The following SAMD12 variants were observed in gnomAD, a reference collection of about 807,000 sequenced individuals.
The protein encoded by SAMD12 is sterile alpha motif domain-containing protein 12.
A neutral mutation model predicts 15.0 loss-of-function variants in SAMD12; 9 were observed. That is an observed-to-expected ratio of 0.60 (90% CI 0.36 to 1.05). The LOEUF (loss-of-function observed/expected upper bound fraction) is 1.05. SAMD12 is among the 50% of genes least tolerant of loss of function. SAMD12 has a pLI of 0.01. For missense variants in SAMD12, 230 were observed against 234.2 expected, an observed-to-expected ratio of 0.98 and a Z score of 0.12; for synonymous variants, 86 against 90.1, an observed-to-expected ratio of 0.96 and a Z score of 0.25.
At chr8:118,541,002 A>C (rs1825970806) in intron 2 of SAMD12, among the ~76,000 whole-genome samples, 1 of 152,154 alleles carries the variant, frequency 6.6e-6, no homozygotes, top group African/African-American at 2.4e-5. Context: ...GAGTTTCTTA[A>C]ATCTCAACTG....
intron 2 of SAMD12, among the ~76,000 whole-genome samples, chr8:118,564,792 C>A (rs558928237): frequency 6.6e-6 from 1 of 152,210 alleles, no homozygotes; most frequent in Non-Finnish European, 1.5e-5. Flanking sequence ...AAGTTTATTT[C>A]TTGCTTAAAC....
exon 5 of SAMD12, chr8:118,194,836 G>A (rs1001285242): frequency 1.3e-5 from 2 of 152,184 alleles, no homozygotes; most frequent in African/African-American, 4.8e-5. Context: ...GCCAAAGCCT[G>A]TGAATGAAGT....
At chr8:118,356,936 C>A (rs1818256537) in intron 4 of SAMD12, among the ~76,000 whole-genome samples, 1 of 152,200 alleles carries the variant, frequency 6.6e-6, no homozygotes, top group Admixed American at 6.5e-5. Flanking sequence ...AGATCCACCC[C>A]CATTCGCTCT....
chr8:118,228,327 TCGGCAGAGTCAA>T (rs1011354310), intron 4 of SAMD12, among the ~76,000 whole-genome samples: 1 of 152,128 alleles, frequency 6.6e-6, no homozygotes, highest in African/African-American at 2.4e-5. Flanking sequence ...AAAGGAACAG[TCGGCAGAGTCAA>T]CAGAAAACCC....
At chr8:118,257,014 C>T (rs1812961212) in intron 4 of SAMD12, among the ~76,000 whole-genome samples, 1 of 152,042 alleles carries the variant, frequency 6.6e-6, no homozygotes, top group Non-Finnish European at 1.5e-5. Flanking sequence ...CATCTTATAA[C>T]ACTCTACTGC....
At chr8:118,252,055 C>A (rs527480325) in intron 4 of SAMD12, among the ~76,000 whole-genome samples, 2 of 152,304 alleles carry the variant, frequency 1.3e-5, no homozygotes, top group South Asian at 2.1e-4. Flanking sequence ...CCGCAGAGGG[C>A]AGAACCTAAG....
At chr8:118,602,394 C>A (rs1176170239) in intron 1 of SAMD12, among the ~76,000 whole-genome samples, 1 of 152,150 alleles carries the variant, frequency 6.6e-6, no homozygotes, top group Non-Finnish European at 1.5e-5. Context: ...ACCAGACATT[C>A]TTCTAGGTGC....
intron 1 of SAMD12, among the ~76,000 whole-genome samples, chr8:118,605,415 T>C (rs192519155): frequency 3.9e-4 from 60 of 152,232 alleles, no homozygotes; most frequent in African/African-American, 1.4e-3. Context: ...CAGGTACAGC[T>C]AGTCATTTAT....
chr8:118,208,340 T>A (rs1255715037), intron 4 of SAMD12, among the ~76,000 whole-genome samples: 3 of 152,254 alleles, frequency 2.0e-5, no homozygotes, highest in African/African-American at 7.2e-5. Context: ...TCATACGGAA[T>A]CTTAGAGTAG....
At chr8:118,245,506 C>T (rs1270704406) in intron 4 of SAMD12, among the ~76,000 whole-genome samples, 2 of 152,066 alleles carry the variant, frequency 1.3e-5, no homozygotes, top group African/African-American at 2.4e-5. Context: ...TTATTATTCC[C>T]GTTTATACAG....
At chr8:118,549,266 T>G (rs1337857687) in intron 2 of SAMD12, among the ~76,000 whole-genome samples, 1 of 152,162 alleles carries the variant, frequency 6.6e-6, no homozygotes, top group Non-Finnish European at 1.5e-5. Context: ...GCAGCCTAAC[T>G]GGGAGGCACC....
chr8:118,389,675 A>G (rs1299952882), intron 3 of SAMD12, among the ~76,000 whole-genome samples: 1 of 151,960 alleles, frequency 6.6e-6, no homozygotes, highest in Non-Finnish European at 1.5e-5. Flanking sequence ...AGATCATGCC[A>G]CTGCACTCCA....
At chr8:118,548,693 C>T (rs1367395373) in intron 2 of SAMD12, among the ~76,000 whole-genome samples, 6 of 152,304 alleles carry the variant, frequency 3.9e-5, no homozygotes, top group South Asian at 2.1e-4. Context: ...GTGGGTGCAG[C>T]GCACCGTGCG....
Position 118,379,457 on chromosome 8 carries a change from A to C in SAMD12, c.566T>G (p.Leu189Arg), listed in dbSNP as rs1336672283. Residue 189 changes from leucine to arginine, a missense_variant, in exon 4 of 4, where the codon CTT (leucine) becomes CGT (arginine). By Grantham distance (102) the Leu-to-Arg change is moderately radical. Coordinates refer to ENST00000314727, the MANE Select transcript of SAMD12 (RefSeq NM_207506.3). The part of the protein sequence containing the change: ...TGVRENLLLF[L>R]HRISIIENSI... Reference sequence around the variant, plus strand: ...ATTTTCTATGATGGAAATTCTGTGAAGAAACAATAACAAATTCTCCCTGAC... The same window carrying C: ...ATTTTCTATGATGGAAATTCTGTGACGAAACAATAACAAATTCTCCCTGAC... 1 of 1,613,788 alleles carries C rather than the reference A, an allele frequency of 6.2e-7. No individual in the cohort carries two copies. The highest frequency in any genetic ancestry group is 1.7e-5 in the Admixed American group (1 of 59,958).
At chr8:118,149,884 A>T in the SAMD12 span, among the ~76,000 whole-genome samples, 4 of 152,140 alleles carry the variant, frequency 2.6e-5, no homozygotes, top group Non-Finnish European at 5.9e-5. Context: ...TTAATTGACC[A>T]TATACATACG....
downstream of SAMD12, among the ~76,000 whole-genome samples, chr8:118,188,438 G>A (rs569377922): frequency 2.6e-5 from 4 of 152,146 alleles, no homozygotes; most frequent in South Asian, 2.1e-4. Context: ...AGATTTATAC[G>A]TGGAGTCAGT....
At chr8:118,147,318 C>A in the SAMD12 span, among the ~76,000 whole-genome samples, 5 of 151,734 alleles carry the variant, frequency 3.3e-5, no homozygotes, top group African/African-American at 1.2e-4. Context: ...AGCCACCACA[C>A]CCAGCCAGCA....
chr8:118,481,500 C>A (rs1289614398), intron 2 of SAMD12, among the ~76,000 whole-genome samples: 3 of 151,878 alleles, frequency 2.0e-5, no homozygotes, highest in Non-Finnish European at 4.4e-5. Flanking sequence ...GTTCAGGGGA[C>A]AAAGGAAGAC....
At chr8:118,192,618 CCAACCAAACAAA>C (rs1819438376) in exon 5 of SAMD12, 1 of 143,026 alleles carries the variant, frequency 7.0e-6, no homozygotes, top group East Asian at 1.9e-4. Flanking sequence ...AAATAACCAA[CCAACCAAACAAA>C]CAAACAAACA....
Sources: gnomAD v4.1 joint callset for allele counts (sites outside exome capture counted in the v4.1 genomes callset) on GRCh38, gnomAD v4.1.1 for gene constraint, MANE v1.5 for transcripts, NCBI Gene and HGNC (gene_info 2026-07-23, HGNC 2026-07-21) for gene names.